PCDHGB4: variants seen among roughly 807,000 people sequenced by gnomAD.
PCDHGB4 encodes protocadherin gamma-B4.
In PCDHGB4, 38 loss-of-function variants were observed where a neutral mutation model predicts 60.5. The ratio of observed to expected loss-of-function variants is 0.63; its 90% confidence interval spans 0.48 to 0.82. The LOEUF is 0.82. Among genes scored for constraint, PCDHGB4 ranks in the 40% least tolerant of loss-of-function variants. The pLI is 0.00. For synonymous variants in PCDHGB4, 456 were observed against 509.7 expected (o/e 0.89, Z 1.42); for missense variants, 1,109 against 1,209.6 (o/e 0.92, Z 1.23).
chr5:141,408,384 T>C, intron 1 of PCDHGB4: 2 of 1,614,014 alleles, frequency 1.2e-6, no homozygotes, highest in Non-Finnish European at 1.7e-6. Flanking sequence ...GTCCTGGATG[T>C]GTCGGCTCGC....
chr5:141,414,690 G>A (rs377704657), intron 1 of PCDHGB4: 53 of 1,613,888 alleles, frequency 3.3e-5, no homozygotes, highest in Middle Eastern at 1.6e-4. Flanking sequence ...GGGTACCTCT[G>A]TCCTCATACA....
At chr5:141,418,403 G>T in intron 1 of PCDHGB4, 1 of 1,614,000 alleles carries the variant, frequency 6.2e-7, no homozygotes. Context: ...CTCATTGGTG[G>T]AGAAAGACAA....
At position 141,432,987 on chromosome 5, in the gene PCDHGB4, T is replaced by C. The variant is rs1259121931; in HGVS notation, c.2397+42706T>C. ...GCGCCGGCGTCGCACTTTGTGGGCGTGGACGGGGTGCAGGCTTTCCTGCAG... is the reference window on the plus strand; with the variant it reads ...GCGCCGGCGTCGCACTTTGTGGGCGCGGACGGGGTGCAGGCTTTCCTGCAG... On this transcript the variant is annotated intron_variant, in intron 1 of 3. Coordinates refer to ENST00000519479, the MANE Select transcript of PCDHGB4 (RefSeq NM_003736.4). The surrounding 1 kb of genome is among the most constrained non-coding windows in gnomAD (Gnocchi z 6.0). The C allele has an allele frequency of 3.7e-6, 6 of 1,614,174 alleles. No individual in the cohort carries two copies. Among genetic ancestry groups the C allele is most frequent in the Non-Finnish European group, 5.1e-6 (6 of 1,180,032 alleles).
intron 1 of PCDHGB4, chr5:141,475,885 A>G (rs1593590954): frequency 1.8e-6 from 1 of 556,524 alleles, no homozygotes. Flanking sequence ...ATTGGCTGGG[A>G]CTCTGTGTGC....
At chr5:141,415,740 G>GTTTTTTTTTTTTTTTTTTTTTTTTTTT (rs57426385) in intron 1 of PCDHGB4, 4 of 625,042 alleles carry the variant, frequency 6.4e-6, no homozygotes, top group Non-Finnish European at 6.4e-6. Flanking sequence ...GTTTATTAAG[G>GTTTTTTTTTTTTTTTTTTTTTTTTTTT]TTTTTTTTTT....
In PCDHGB4 at chr5:141,433,040, A is replaced by ACGGACT. The variant is rs753119003; in HGVS notation, c.2397+42762_2397+42767dup. The ACGGACT allele has an allele frequency of 8.1e-6, 13 of 1,614,088 alleles. No homozygotes were observed. In the African/African-American group the frequency reaches 1.7e-4, roughly 22 times the overall value. On this transcript the variant is annotated intron_variant, in intron 1 of 3. Transcript: ENST00000519479. ...CTATTCCCACGAGGTTTCCCTCACC[A>ACGGACT]CGGACTCGCGGAAGAGTCACCTGAT...
At chr5:141,451,179 T>C (rs1039062167) in intron 1 of PCDHGB4, among the ~76,000 whole-genome samples, 6 of 152,162 alleles carry the variant, frequency 3.9e-5, no homozygotes, top group Non-Finnish European at 8.8e-5. Flanking sequence ...TATTTAGCCA[T>C]TGCTGTGTAA....
chr5:141,452,525 G>A (rs1227647193), intron 1 of PCDHGB4, among the ~76,000 whole-genome samples: 3 of 152,126 alleles, frequency 2.0e-5, no homozygotes, highest in Admixed American at 6.5e-5. Flanking sequence ...CCTCAAAATC[G>A]TGAGTTCATA....
intron 1 of PCDHGB4, chr5:141,415,863 G>T (rs1321470910): frequency 2.7e-5 from 30 of 1,107,154 alleles, no homozygotes; most frequent in Non-Finnish European, 3.6e-5. Context: ...GTAGTTTATA[G>T]TGTTGTTGAG....
intron 1 of PCDHGB4, among the ~76,000 whole-genome samples, chr5:141,451,107 C>G (rs768308463): frequency 1.2e-4 from 18 of 152,118 alleles, no homozygotes; most frequent in Non-Finnish European, 2.4e-4. Context: ...GGATTACAGG[C>G]GTGAGCCACC....
chr5:141,404,347 C>A (rs1451476815), intron 1 of PCDHGB4: 2 of 1,613,916 alleles, frequency 1.2e-6, no homozygotes, highest in Non-Finnish European at 1.7e-6. Context: ...CGGAAAACAA[C>A]GCCAGAGGTA....
At chr5:141,422,007 T>A in intron 1 of PCDHGB4, 1 of 1,609,966 alleles carries the variant, frequency 6.2e-7, no homozygotes, top group Non-Finnish European at 8.5e-7. Context: ...GCTCCGGAAC[T>A]CGGGTGCTGA....
chr5:141,405,375 C>T lies in PCDHGB4; in HGVS notation c.2397+15094C>T, dbSNP rs368501516. On this transcript the variant is annotated intron_variant, in intron 1 of 3. Transcript: ENST00000519479. ...CCTATAGAAGACACCCCTTTGGTTC[C>T]GGTGAGTTCATTTTTTTTCTTTCTT... The T allele has an allele frequency of 3.2e-5, 51 of 1,602,124 alleles. No individual in the cohort carries two copies. Among genetic ancestry groups the T allele is most frequent in the East Asian group, 6.7e-5 (3 of 44,850 alleles).
intron 1 of PCDHGB4, among the ~76,000 whole-genome samples, chr5:141,446,174 G>A (rs1242027176): frequency 1.3e-5 from 2 of 152,062 alleles, no homozygotes; most frequent in Non-Finnish European, 2.9e-5. Context: ...GAGGGCAGGG[G>A]GTGTTTTGTT....
intron 2 of PCDHGB4, 149 bp from the exon 3 acceptor site, chr5:141,505,244 T>C (rs886952348): frequency 7.0e-7 from 1 of 1,428,216 alleles, no homozygotes; most frequent in Non-Finnish European, 9.4e-7. Context: ...TGAAGGATTG[T>C]AGAAGTGCCT....
Position 141,490,600 on chromosome 5 carries a change from T to G in PCDHGB4, c.2398-4207T>G. 6.2e-7 allele frequency: 1 copy of G among 1,614,164 alleles called. No homozygotes were observed. Among genetic ancestry groups the G allele is most frequent in the South Asian group, 1.1e-5 (1 of 91,072 alleles). ...AGATGTCAATGACAATGCACCCCGCTTCAACCAGCAGCTTTACACTGCTTA... is the reference window on the plus strand; with the variant it reads ...AGATGTCAATGACAATGCACCCCGCGTCAACCAGCAGCTTTACACTGCTTA... On this transcript the variant is annotated intron_variant, in intron 1 of 3. Coordinates refer to ENST00000519479, the MANE Select transcript of PCDHGB4 (RefSeq NM_003736.4). The surrounding 1 kb of genome is among the most constrained non-coding windows in gnomAD (Gnocchi z 5.4).
rs1205353926 is a variant in PCDHGB4 at position 141,477,969 on chromosome 5, T to A, written c.2398-16838T>A. 6.2e-7 allele frequency: 1 copy of A among 1,613,962 alleles called. No homozygotes were observed. Among genetic ancestry groups the A allele is most frequent in the Non-Finnish European group, 8.5e-7 (1 of 1,180,032 alleles). ...CTCTTGGGATCCCCTAACCAGAGCC[T>A]TTTTGCCATAGGGCTGCACACTGGT... On this transcript the variant is annotated intron_variant, in intron 1 of 3. Coordinates refer to ENST00000519479, the MANE Select transcript of PCDHGB4 (RefSeq NM_003736.4). The surrounding 1 kb of genome is among the most constrained non-coding windows in gnomAD (Gnocchi z 4.9).
chr5:141,428,658 T>G (rs932328483), intron 1 of PCDHGB4: 1 of 165,620 alleles, frequency 6.0e-6, no homozygotes, highest in Non-Finnish European at 1.3e-5. Flanking sequence ...TGAGTTCCAA[T>G]GAATGTCTTT....
At chr5:141,393,624 G>A (rs1190793808) in intron 1 of PCDHGB4, 1 of 1,613,972 alleles carries the variant, frequency 6.2e-7, no homozygotes, top group Non-Finnish European at 8.5e-7. Flanking sequence ...CGACCCGGAT[G>A]AGGGAATCAA....
Sources: allele counts gnomAD v4.1 joint callset (sites outside exome capture counted in the v4.1 genomes callset), GRCh38; gene constraint gnomAD v4.1.1; non-coding constraint Gnocchi (gnomAD v3.1); transcripts MANE v1.5; gene names NCBI Gene and HGNC (gene_info 2026-07-23, HGNC 2026-07-21).